NKAIN3: variants seen among roughly 807,000 people sequenced by gnomAD.
NKAIN3 encodes sodium/potassium-transporting ATPase subunit beta-1-interacting protein 3.
In NKAIN3, 25 loss-of-function variants were observed where a neutral mutation model predicts 30.2. That is an observed-to-expected ratio of 0.83 (90% confidence interval 0.60 to 1.16). NKAIN3 has a LOEUF of 1.16. NKAIN3 is among the 50% of genes most tolerant of loss of function. NKAIN3 has a pLI of 0.00. For missense variants in NKAIN3, 225 were observed against 254.1 expected (o/e 0.89, Z 0.78); for synonymous variants, 91 against 89.6 (o/e 1.02, Z -0.09).
At chr8:62,740,409 T>C (rs998801402) in intron 3 of NKAIN3, among the ~76,000 whole-genome samples, 6 of 152,124 alleles carry the variant, frequency 3.9e-5, no homozygotes, top group Non-Finnish European at 7.4e-5. Flanking sequence ...AGAAAGTAGA[T>C]GGCTATATAA....
chr8:62,811,484 C>T (rs1285260634), intron 4 of NKAIN3, among the ~76,000 whole-genome samples: 6 of 152,018 alleles, frequency 3.9e-5, no homozygotes, highest in African/African-American at 1.4e-4. Flanking sequence ...TACATTCCCA[C>T]CAGCAATATA....
chr8:62,317,511 A>G (rs1814683379), intron 1 of NKAIN3, among the ~76,000 whole-genome samples: 1 of 152,206 alleles, frequency 6.6e-6, no homozygotes, highest in Admixed American at 6.5e-5. Flanking sequence ...CAGTTTTCCC[A>G]GCACCATTTA....
intron 1 of NKAIN3, among the ~76,000 whole-genome samples, chr8:62,395,787 G>C (rs1019315481): frequency 6.6e-6 from 1 of 152,066 alleles, no homozygotes; most frequent in Non-Finnish European, 1.5e-5. Flanking sequence ...ATCTCAATTA[G>C]ATATACATAT....
chr8:62,754,362 G>GCA (rs35621967), intron 4 of NKAIN3, among the ~76,000 whole-genome samples: 85,034 of 149,312 alleles, frequency 0.57, 24,617 homozygotes, highest in Non-Finnish European at 0.65. Flanking sequence ...GTTGATTAGT[G>GCA]CACACACACA....
chr8:62,673,419 AG>A (rs1287706486), intron 3 of NKAIN3, among the ~76,000 whole-genome samples: 1 of 152,232 alleles, frequency 6.6e-6, no homozygotes, highest in Admixed American at 6.5e-5. Context: ...AAGAAAACCA[AG>A]GGTACAATCT....
chr8:62,342,254 A>G (rs1471861894), intron 1 of NKAIN3, among the ~76,000 whole-genome samples: 4 of 136,680 alleles, frequency 2.9e-5, no homozygotes, highest in African/African-American at 5.2e-5. Context: ...AAAAAAAGAG[A>G]TAGAAAATAA....
intron 4 of NKAIN3, among the ~76,000 whole-genome samples, chr8:62,891,106 C>G (rs976538844): frequency 3.9e-5 from 6 of 152,116 alleles, no homozygotes; most frequent in Non-Finnish European, 7.3e-5. Flanking sequence ...CTGGGTATGT[C>G]TGTGAGGGTG....
intron 1 of NKAIN3, among the ~76,000 whole-genome samples, chr8:62,414,807 CAT>C (rs941357112): frequency 6.6e-5 from 10 of 151,684 alleles, no homozygotes; most frequent in African/African-American, 2.2e-4. Context: ...TATTAGGAAA[CAT>C]GTTATATACA....
At chr8:62,655,841 A>T (rs934578612) in intron 3 of NKAIN3, among the ~76,000 whole-genome samples, 4 of 151,794 alleles carry the variant, frequency 2.6e-5, no homozygotes, top group African/African-American at 9.7e-5. Flanking sequence ...ACCTATGAAG[A>T]ATATGTAATG....
In NKAIN3 at chr8:62,553,539, CTT is replaced by C. The variant is rs34367834; in HGVS notation, c.55-25986_55-25985del. 7.4e-3 allele frequency among the ~76,000 whole-genome samples: 1,053 copies of C among 142,888 alleles called. 14 individuals carry two copies. Among genetic ancestry groups the C allele is most frequent in the African/African-American group, 0.026 (998 of 39,038 alleles). 93.7% of individuals were successfully genotyped at this position (142,888 alleles called of 152,430 possible). A position where few individuals can be genotyped will look rare whatever the true frequency, so the allele number is the denominator to read the frequency against. On this transcript the variant is annotated intron_variant, in intron 1 of 6. Coordinates refer to ENST00000623646, the MANE Select transcript of NKAIN3 (RefSeq NM_001304533.3). ...GCATGTTGTATTTTTATACTGAACA[CTT>C]TTTTTTTTTTTTTGAGACAGAATCT...
intron 1 of NKAIN3, among the ~76,000 whole-genome samples, chr8:62,305,790 G>A (rs902836781): frequency 6.7e-6 from 1 of 150,300 alleles, no homozygotes; most frequent in African/African-American, 2.5e-5. Flanking sequence ...ATGGTCATTG[G>A]GTATGTGTCG....
chr8:62,294,759 G>T (rs1050899098), intron 1 of NKAIN3, among the ~76,000 whole-genome samples: 1 of 152,022 alleles, frequency 6.6e-6, no homozygotes, highest in Admixed American at 6.6e-5. Flanking sequence ...TTCCCAGGCT[G>T]GTCTCCAACT....
chr8:62,522,070 C>A (rs1808176317), intron 1 of NKAIN3, among the ~76,000 whole-genome samples: 1 of 152,056 alleles, frequency 6.6e-6, no homozygotes, highest in African/African-American at 2.4e-5. Flanking sequence ...TGCAAAGAGC[C>A]TAAAAAGGCG....
intron 1 of NKAIN3, among the ~76,000 whole-genome samples, chr8:62,422,864 T>C (rs1338834327): frequency 6.6e-6 from 1 of 152,128 alleles, no homozygotes. Flanking sequence ...ATTTAAAAAT[T>C]AAGATAGTTT....
intron 4 of NKAIN3, among the ~76,000 whole-genome samples, chr8:62,767,704 G>A (rs1360964870): frequency 1.3e-5 from 2 of 151,776 alleles, no homozygotes; most frequent in Non-Finnish European, 2.9e-5. Flanking sequence ...CTGCTAGACC[G>A]ATCTTCTCAC....
chr8:62,299,729 A>T (rs562269272), intron 1 of NKAIN3, among the ~76,000 whole-genome samples: 2 of 152,216 alleles, frequency 1.3e-5, no homozygotes, highest in East Asian at 3.9e-4. Flanking sequence ...GGCAATGTTC[A>T]TATATAGTCT....
At chr8:62,465,241 T>C (rs758745536) in intron 1 of NKAIN3, among the ~76,000 whole-genome samples, 2 of 152,198 alleles carry the variant, frequency 1.3e-5, no homozygotes, top group Non-Finnish European at 2.9e-5. Context: ...TATACCATAA[T>C]TGTAAGATGC....
At chr8:62,312,851 T>C (rs1311905371) in intron 1 of NKAIN3, among the ~76,000 whole-genome samples, 1 of 149,620 alleles carries the variant, frequency 6.7e-6, no homozygotes, top group East Asian at 2.0e-4. Context: ...GTGATGGAGA[T>C]GTGGGAGATA....
chr8:62,623,246 G>GTC (rs2130237399), intron 3 of NKAIN3, among the ~76,000 whole-genome samples: 1 of 152,112 alleles, frequency 6.6e-6, no homozygotes, highest in Non-Finnish European at 1.5e-5. Context: ...GTTTAAGCTG[G>GTC]AGAGGTCTTT....
Sources: allele counts gnomAD v4.1 joint callset (sites outside exome capture counted in the v4.1 genomes callset), GRCh38; gene constraint gnomAD v4.1.1; transcripts MANE v1.5; gene names NCBI Gene and HGNC (gene_info 2026-07-23, HGNC 2026-07-21).